TMEM132C: variants seen among roughly 807,000 people sequenced by gnomAD.
The protein encoded by TMEM132C is protein phosphatase 1, regulatory subunit 152.
Under a neutral mutation model 61.4 loss-of-function variants are expected in TMEM132C, and 29 were observed. The ratio of observed to expected loss-of-function variants is 0.47; its 90% confidence interval spans 0.35 to 0.64. The LOEUF is 0.64. TMEM132C is among the 30% of genes least tolerant of loss of function. The pLI, the probability that TMEM132C is intolerant of heterozygous loss-of-function variation, is 0.00. For synonymous variants in TMEM132C, 656 were observed against 633.1 expected (o/e 1.04, Z -0.54); for missense variants, 1,408 against 1,476.9 (o/e 0.95, Z 0.76).
intron 3 of TMEM132C, among the ~76,000 whole-genome samples, chr12:128,578,533 C>T (rs549742357): frequency 1.3e-4 from 20 of 152,302 alleles, no homozygotes; most frequent in African/African-American, 4.6e-4. Context: ...AATGACTTTC[C>T]AAGTAGATCC....
chr12:128,424,500 C>T (rs541523582), intron 2 of TMEM132C, among the ~76,000 whole-genome samples: 1 of 149,454 alleles, frequency 6.7e-6, no homozygotes, highest in Admixed American at 6.6e-5. Context: ...ATACATGAAT[C>T]CATTTATATG....
chr12:128,492,946 T>A (rs1435282142), intron 2 of TMEM132C, among the ~76,000 whole-genome samples: 1 of 152,214 alleles, frequency 6.6e-6, no homozygotes, highest in African/African-American at 2.4e-5. Flanking sequence ...CTGAATGGTA[T>A]TGCCTAGGTT....
Position 128,537,385 on chromosome 12 carries a change from A to AG in TMEM132C, c.975-6566dup, listed in dbSNP as rs542551284. On this transcript the variant is annotated intron_variant, in intron 2 of 8. Coordinates refer to ENST00000435159, the MANE Select transcript of TMEM132C (RefSeq NM_001136103.3). ...AAAGCCTAATGGTGCTTAGGGAAGG[A>AG]GGGGGGATAAGGAGGTGTATCCAGC... 6.0e-4 allele frequency among the ~76,000 whole-genome samples: 91 copies of AG among 152,270 alleles called. 2 individuals are homozygous for AG. The highest frequency in any genetic ancestry group is 2.1e-3 in the African/African-American group (86 of 41,540).
chr12:128,556,762 T>C (rs917083445), intron 3 of TMEM132C, among the ~76,000 whole-genome samples: 4 of 152,130 alleles, frequency 2.6e-5, no homozygotes, highest in South Asian at 2.1e-4. Flanking sequence ...AACTATCCCA[T>C]GTGGAAAGGC....
At chr12:128,340,703 C>T (rs1872927909) in intron 1 of TMEM132C, among the ~76,000 whole-genome samples, 1 of 149,942 alleles carries the variant, frequency 6.7e-6, no homozygotes, top group East Asian at 1.9e-4. Flanking sequence ...CTTTCTTTCT[C>T]TTTCTTTCTC....
At chr12:128,577,874 C>T (rs1187258921) in intron 3 of TMEM132C, among the ~76,000 whole-genome samples, 4 of 152,220 alleles carry the variant, frequency 2.6e-5, no homozygotes, top group South Asian at 2.1e-4. Context: ...TCGCGGCTCC[C>T]CTCAAATGAG....
intron 2 of TMEM132C, among the ~76,000 whole-genome samples, chr12:128,427,850 C>A (rs1027222448): frequency 1.3e-5 from 2 of 152,212 alleles, no homozygotes; most frequent in African/African-American, 2.4e-5. Flanking sequence ...TCTGATATTG[C>A]AAGCACTGCG....
chr12:128,677,906 C>A (rs566900708), intron 5 of TMEM132C, among the ~76,000 whole-genome samples: 1 of 152,230 alleles, frequency 6.6e-6, no homozygotes, highest in East Asian at 1.9e-4. Flanking sequence ...ACCAAAGGTG[C>A]CTGCGTTAGC....
At chr12:128,286,334 A>G (rs1871072371) in intron 1 of TMEM132C, among the ~76,000 whole-genome samples, 1 of 152,114 alleles carries the variant, frequency 6.6e-6, no homozygotes. Flanking sequence ...ACAAACTCAA[A>G]TGCCTCCAGG....
chr12:128,682,598 A>T (rs1954644679), intron 5 of TMEM132C, among the ~76,000 whole-genome samples: 2 of 152,212 alleles, frequency 1.3e-5, no homozygotes, highest in African/African-American at 4.8e-5. Flanking sequence ...GTGTGTAGGA[A>T]GCTTCAGAAG....
chr12:128,438,548 C>G (rs1869675114), intron 2 of TMEM132C, among the ~76,000 whole-genome samples: 1 of 152,170 alleles, frequency 6.6e-6, no homozygotes, highest in African/African-American at 2.4e-5. Context: ...ACTACCCAGT[C>G]TCAGGTATTG....
intron 4 of TMEM132C, among the ~76,000 whole-genome samples, chr12:128,668,210 T>C (rs1420438503): frequency 6.7e-6 from 1 of 149,662 alleles, no homozygotes; most frequent in African/African-American, 2.5e-5. Context: ...AGGCCAGGAG[T>C]TCAAGACCAG....
rs969381337 is a variant in TMEM132C at position 128,689,641 on chromosome 12, G to A, written c.1450-4188G>A. ...GTTAATTAGAGACCCAAGTGGAGAC[G>A]TGGAAGAAGCAGGTGGATATCCAGA... On this transcript the variant is annotated intron_variant, in intron 5 of 8. Coordinates refer to ENST00000435159, the MANE Select transcript of TMEM132C (RefSeq NM_001136103.3). Among the ~76,000 whole-genome samples, 4 of 152,256 alleles carry A rather than the reference G, an allele frequency of 2.6e-5. 1 individual carries two copies. The highest frequency in any genetic ancestry group is 2.0e-4 in the Admixed American group (3 of 15,290).
At position 128,600,533 on chromosome 12, in the gene TMEM132C, C is replaced by T. The variant is rs1442754842; in HGVS notation, c.1122-15619C>T. ...AAGTGCTGCAGCGAGAATTGGATGG[C>T]TTTCTCAAGTGGAGTGGACCCATGC... is the stretch of plus-strand genomic sequence containing the variant. On this transcript the variant is annotated intron_variant, in intron 3 of 8. Transcript: ENST00000435159. 5.9e-5 allele frequency among the ~76,000 whole-genome samples: 9 copies of T among 152,204 alleles called. No homozygotes were observed. In the East Asian group the frequency reaches 1.7e-3, roughly 29 times the overall value.
At chr12:128,370,061 A>G (rs1418899655) in intron 1 of TMEM132C, among the ~76,000 whole-genome samples, 2 of 152,108 alleles carry the variant, frequency 1.3e-5, no homozygotes, top group Non-Finnish European at 2.9e-5. Flanking sequence ...CTGCCTTTCC[A>G]TATCTGCCAG....
At chr12:128,647,409 T>A (rs897345456) in intron 4 of TMEM132C, among the ~76,000 whole-genome samples, 9 of 150,860 alleles carry the variant, frequency 6.0e-5, no homozygotes, top group African/African-American at 2.0e-4. Flanking sequence ...CCCATCAGCA[T>A]TGGATGAGTG....
intron 8 of TMEM132C, among the ~76,000 whole-genome samples, chr12:128,698,677 C>G (rs972541620): frequency 6.6e-6 from 1 of 152,244 alleles, no homozygotes; most frequent in African/African-American, 2.4e-5. Context: ...TGAAAGCACA[C>G]AGAGCCTTGG....
intron 5 of TMEM132C, among the ~76,000 whole-genome samples, chr12:128,689,866 G>T (rs542621633): frequency 1.6e-4 from 25 of 152,296 alleles, no homozygotes; most frequent in African/African-American, 5.8e-4. Flanking sequence ...AATCTGAGAT[G>T]GACACTCAGC....
At chr12:128,521,319 A>ATGTGTG (rs1555229471) in intron 2 of TMEM132C, among the ~76,000 whole-genome samples, 15 of 21,658 alleles carry the variant, frequency 6.9e-4, no homozygotes, top group African/African-American at 1.0e-3. Context: ...ATATATATAT[A>ATGTGTG]TGTGTGTGTG....
Sources: allele counts gnomAD v4.1 joint callset (sites outside exome capture counted in the v4.1 genomes callset), GRCh38; gene constraint gnomAD v4.1.1; transcripts MANE v1.5; gene names NCBI Gene and HGNC (gene_info 2026-07-23, HGNC 2026-07-21).